SDC2: variants seen among roughly 807,000 people sequenced by gnomAD.
SDC2 encodes syndecan 2, also known as syndecan-2.
Under a neutral mutation model 22.2 loss-of-function variants are expected in SDC2, and 13 were observed. The observed-to-expected ratio is 0.59, with a 90% CI of 0.38 to 0.93. SDC2 has a LOEUF of 0.93. SDC2 is among the 40% of genes least tolerant of loss of function. The pLI is 0.00. For missense variants in SDC2, 235 were observed against 246.8 expected, an observed-to-expected ratio of 0.95 and a Z score of 0.32; for synonymous variants, 94 against 92.8, an observed-to-expected ratio of 1.01 and a Z score of -0.07.
At chr8:96,498,993 T>G (rs1209529479) in intron 1 of SDC2, among the ~76,000 whole-genome samples, 1 of 152,202 alleles carries the variant, frequency 6.6e-6, no homozygotes, top group Non-Finnish European at 1.5e-5. Flanking sequence ...TCTAGACACC[T>G]CCGTGTCCTT....
At chr8:96,523,971 T>G (rs1347300656) in intron 1 of SDC2, among the ~76,000 whole-genome samples, 2 of 152,182 alleles carry the variant, frequency 1.3e-5, no homozygotes, top group African/African-American at 4.8e-5. Context: ...GTTTTAGGCT[T>G]CTTTCAAAAA....
intron 1 of SDC2, among the ~76,000 whole-genome samples, chr8:96,512,945 C>T (rs772184679): frequency 3.4e-4 from 52 of 152,234 alleles, no homozygotes; most frequent in Middle Eastern, 3.4e-3. Context: ...ATGAATTGAA[C>T]TTGTGTTTAC....
chr8:96,583,059 A>ATT (rs60193555), intron 1 of SDC2, among the ~76,000 whole-genome samples: 8 of 107,272 alleles, frequency 7.5e-5, no homozygotes, highest in South Asian at 3.1e-4. Context: ...CTGAAGTGTG[A>ATT]TTTTTTTTTT....
At chr8:96,503,782 T>G (rs1285117417) in intron 1 of SDC2, among the ~76,000 whole-genome samples, 1 of 152,188 alleles carries the variant, frequency 6.6e-6, no homozygotes, top group Non-Finnish European at 1.5e-5. Context: ...TTAAGTAAGT[T>G]CTGCTGATCC....
At chr8:96,594,272 G>A (rs1291590853) in intron 2 of SDC2, among the ~76,000 whole-genome samples, 1 of 152,140 alleles carries the variant, frequency 6.6e-6, no homozygotes. Flanking sequence ...GGCTGGCTGG[G>A]CTCCCTCACA....
chr8:96,503,689 A>T (rs1018490173), intron 1 of SDC2, among the ~76,000 whole-genome samples: 2 of 152,214 alleles, frequency 1.3e-5, no homozygotes, highest in African/African-American at 4.8e-5. Flanking sequence ...AGATCTTTGT[A>T]TTATTTCTTA....
chr8:96,540,749 C>T (rs1034831914), intron 1 of SDC2, among the ~76,000 whole-genome samples: 2 of 152,138 alleles, frequency 1.3e-5, no homozygotes, highest in Non-Finnish European at 1.5e-5. Flanking sequence ...AAGAGGCTAT[C>T]CTCTTGGCCT....
At chr8:96,504,529 T>G (rs1166908114) in intron 1 of SDC2, among the ~76,000 whole-genome samples, 1 of 152,200 alleles carries the variant, frequency 6.6e-6, no homozygotes, top group Non-Finnish European at 1.5e-5. Flanking sequence ...GAAACTGGGA[T>G]TAGAATATTT....
chr8:96,546,569 T>C (rs184100337), intron 1 of SDC2, among the ~76,000 whole-genome samples: 1 of 152,300 alleles, frequency 6.6e-6, no homozygotes, highest in African/African-American at 2.4e-5. Flanking sequence ...GGGTGTGCCA[T>C]TATTAATAAT....
intron 1 of SDC2, among the ~76,000 whole-genome samples, chr8:96,504,658 T>C (rs924134259): frequency 6.6e-6 from 1 of 152,228 alleles, no homozygotes; most frequent in Non-Finnish European, 1.5e-5. Context: ...TCTTTAAGTT[T>C]TGTGATTCTG....
intron 2 of SDC2, among the ~76,000 whole-genome samples, chr8:96,596,349 C>G (rs1194871186): frequency 2.0e-5 from 3 of 152,232 alleles, no homozygotes; most frequent in African/African-American, 7.2e-5. Context: ...TTTCATCCAG[C>G]TATCCAGTAG....
At chr8:96,507,866 T>C (rs1813265928) in intron 1 of SDC2, among the ~76,000 whole-genome samples, 1 of 152,154 alleles carries the variant, frequency 6.6e-6, no homozygotes, top group African/African-American at 2.4e-5. Context: ...CTCCCAAGAG[T>C]TTCCTCTTGA....
At chr8:96,497,470 G>A (rs1487449464) in intron 1 of SDC2, among the ~76,000 whole-genome samples, 1 of 152,176 alleles carries the variant, frequency 6.6e-6, no homozygotes, top group Admixed American at 6.5e-5. Context: ...GACCTGATAT[G>A]TCTAGTTTTG....
chr8:96,520,829 C>T (rs1813485502), intron 1 of SDC2, among the ~76,000 whole-genome samples: 1 of 152,062 alleles, frequency 6.6e-6, no homozygotes, highest in Non-Finnish European at 1.5e-5. Context: ...CCCTTGTGCC[C>T]CTGGGGGAAC....
Position 96,494,011 on chromosome 8 carries a change from C to T in SDC2, c.-261C>T. 1 of 529,752 alleles carries T rather than the reference C, an allele frequency of 1.9e-6. No homozygotes were observed. Among genetic ancestry groups the T allele is most frequent in the Non-Finnish European group, 3.3e-6 (1 of 304,044 alleles). The allele number at this position is 529,752 out of a possible 1,614,324, so 32.8% of individuals were successfully genotyped here. A position where few individuals can be genotyped will look rare whatever the true frequency, so the allele number is the denominator to read the frequency against. On this transcript the variant is annotated 5_prime_UTR_variant, in exon 1 of 5. Transcript: ENST00000302190. ...TTCAGAGAGCAGCCTTCCCGGAGCA[C>T]CAACTCCGTGTCGGGAGTGCAGAAA...
At chr8:96,548,832 G>A (rs769019505) in intron 1 of SDC2, among the ~76,000 whole-genome samples, 69 of 152,284 alleles carry the variant, frequency 4.5e-4, no homozygotes, top group Non-Finnish European at 4.7e-4. Context: ...ATTGAGGGTC[G>A]TACGCTTCAC....
At chr8:96,574,913 C>T (rs547163802) in intron 1 of SDC2, among the ~76,000 whole-genome samples, 12 of 152,162 alleles carry the variant, frequency 7.9e-5, no homozygotes, top group East Asian at 5.8e-4. Flanking sequence ...GGGATGGTTT[C>T]GGGATGATTC....
intron 1 of SDC2, among the ~76,000 whole-genome samples, chr8:96,566,156 G>A (rs577264308): frequency 6.6e-5 from 10 of 152,208 alleles, no homozygotes; most frequent in African/African-American, 2.4e-4. Flanking sequence ...AAGTTCTGGT[G>A]GTTTATCATG....
intron 1 of SDC2, among the ~76,000 whole-genome samples, chr8:96,555,937 G>A (rs894097190): frequency 2.0e-5 from 3 of 152,094 alleles, no homozygotes; most frequent in Non-Finnish European, 4.4e-5. Flanking sequence ...TCCAGCCTGA[G>A]CTATAGTACC....
Sources: allele counts gnomAD v4.1 joint callset (sites outside exome capture counted in the v4.1 genomes callset), GRCh38; gene constraint gnomAD v4.1.1; transcripts MANE v1.5; gene names NCBI Gene and HGNC (gene_info 2026-07-23, HGNC 2026-07-21).